The following FGFR2 variants were observed in gnomAD, a reference collection of about 807,000 sequenced individuals.
The protein encoded by FGFR2 is fibroblast growth factor receptor 2, also known as BEK fibroblast growth factor receptor.
A neutral mutation model predicts 95.9 loss-of-function variants in FGFR2; 19 were observed. The ratio of observed to expected loss-of-function variants is 0.20; its 90% CI spans 0.14 to 0.29. The LOEUF (loss-of-function observed/expected upper bound fraction) is 0.29, where lower values mean the gene tolerates loss of function less well. Ranked by LOEUF, FGFR2 falls within the 10% of genes least tolerant of loss-of-function variation. FGFR2 has a pLI of 1.00. For synonymous variants in FGFR2, 392 were observed against 393.3 expected (o/e 1.00, Z 0.04); for missense variants, 707 against 1,056.9 (o/e 0.67, Z 4.59).
chr10:121,591,904 C>T (rs561700197), intron 2 of FGFR2, among the ~76,000 whole-genome samples: 9 of 152,290 alleles, frequency 5.9e-5, no homozygotes, highest in East Asian at 3.9e-4. Flanking sequence ...CGGGGAACTT[C>T]GTCCCTTTCC....
intron 2 of FGFR2, chr10:121,583,437 G>C (rs894635534): frequency 6.6e-6 from 1 of 152,230 alleles, no homozygotes. Context: ...GGGCAACAGA[G>C]GCCAGCCCTT....
chr10:121,528,610 CA>C lies in FGFR2; in HGVS notation c.749-8442del, dbSNP rs141290084. On this transcript the variant is annotated intron_variant, in intron 6 of 17. Transcript: ENST00000358487. ...AGTAAAAGCTTTCAGCCCATCTGAG[CA>C]AACAAGAAATGCCTCCCTTTGATAG... Among the ~76,000 whole-genome samples, 376 of 152,308 alleles carry C rather than the reference CA, an allele frequency of 2.5e-3. 3 individuals are homozygous for C. The highest frequency in any genetic ancestry group is 8.9e-3 in the African/African-American group (371 of 41,568).
At chr10:121,591,670 C>A (rs1372818096) in intron 2 of FGFR2, among the ~76,000 whole-genome samples, 1 of 152,192 alleles carries the variant, frequency 6.6e-6, no homozygotes, top group East Asian at 1.9e-4. Flanking sequence ...GACATCTTTT[C>A]TTTTCCATCT....
At chr10:121,571,836 G>A (rs181797500) in intron 2 of FGFR2, among the ~76,000 whole-genome samples, 130 of 151,902 alleles carry the variant, frequency 8.6e-4, no homozygotes, top group African/African-American at 3.0e-3. Flanking sequence ...CCAGCTACTC[G>A]GGAGGCTGAG....
At chr10:121,509,196 T>C (rs982164889) in intron 9 of FGFR2, among the ~76,000 whole-genome samples, 1 of 152,228 alleles carries the variant, frequency 6.6e-6, no homozygotes, top group Non-Finnish European at 1.5e-5. Context: ...CTCTTGTTAG[T>C]GATAAGTGAG....
rs1589694133 is a variant in FGFR2, at chr10:121,480,263, T to C, written c.2302-242A>G. The C allele has an allele frequency of 6.8e-6, 4 of 592,578 alleles. No individual in the cohort carries two copies. In the East Asian group the frequency reaches 1.2e-4, roughly 18 times the overall value. The allele number at this position is 592,578 out of a possible 1,614,324, so 36.7% of individuals were successfully genotyped here. A position where few individuals can be genotyped will look rare whatever the true frequency, so the allele number is the denominator to read the frequency against. On this transcript the variant is annotated intron_variant, in intron 17 of 17. Coordinates refer to ENST00000358487, the MANE Select transcript of FGFR2 (RefSeq NM_000141.5). ...AAGACCTCCCTGAGACCACGTCTGA[T>C]GTACCCCAGGCTGTCCTTAGCTTTT...
In FGFR2 at chr10:121,517,265, T is replaced by C. The variant is rs1304977718; in HGVS notation, c.1084+54A>G. On this transcript the variant is annotated intron_variant, in intron 8 of 17. Coordinates refer to ENST00000358487, the MANE Select transcript of FGFR2 (RefSeq NM_000141.5). The surrounding 1 kb of genome is among the most constrained non-coding windows in gnomAD (Gnocchi z 4.7). ...GATAACAGAAGCTGTGTTAATTTTA[T>C]AGCAGTCAACCAAGAAAAGGGAAAA... 3.2e-6 allele frequency: 5 copies of C among 1,578,316 alleles called. No individual in the cohort carries two copies. Among genetic ancestry groups the C allele is most frequent in the African/African-American group, 1.3e-5 (1 of 74,142 alleles).
At chr10:121,537,259 G>A (rs958345721) in intron 6 of FGFR2, among the ~76,000 whole-genome samples, 1 of 152,050 alleles carries the variant, frequency 6.6e-6, no homozygotes, top group Non-Finnish European at 1.5e-5. Flanking sequence ...TCAAATCTTC[G>A]AATAAACACT....
intron 9 of FGFR2, among the ~76,000 whole-genome samples, chr10:121,512,572 G>GTTTTGTTTTGTT (rs1449362527): frequency 5.9e-5 from 9 of 151,408 alleles, no homozygotes; most frequent in Admixed American, 5.3e-4. Flanking sequence ...GTTTTGTTTT[G>GTTTTGTTTTGTT]TTTTTTGAGT....
At chr10:121,561,158 C>T (rs866641159) in intron 4 of FGFR2, among the ~76,000 whole-genome samples, 2 of 152,156 alleles carry the variant, frequency 1.3e-5, no homozygotes, top group African/African-American at 2.4e-5. Flanking sequence ...GGCGCAGTGG[C>T]TCACACCTGT....
At chr10:121,544,330 CAT>C (rs1854190547) in intron 5 of FGFR2, among the ~76,000 whole-genome samples, 1 of 151,692 alleles carries the variant, frequency 6.6e-6, no homozygotes, top group Non-Finnish European at 1.5e-5. Flanking sequence ...CCTGTAATCC[CAT>C]ACTCAGGAGG....
intron 2 of FGFR2, among the ~76,000 whole-genome samples, chr10:121,573,940 C>T (rs1280225579): frequency 6.6e-6 from 1 of 152,146 alleles, no homozygotes; most frequent in Non-Finnish European, 1.5e-5. Context: ...GAAACACAGT[C>T]CGGCTGCAAA....
At chr10:121,524,131 CACACACACACACACA>C (rs1850970034) in intron 6 of FGFR2, among the ~76,000 whole-genome samples, 1 of 149,170 alleles carries the variant, frequency 6.7e-6, no homozygotes, top group African/African-American at 2.4e-5. Context: ...CACACACACA[CACACACACACACACA>C]CCCCAAGTTT....
chr10:121,577,259 T>A (rs1182058775), intron 2 of FGFR2, among the ~76,000 whole-genome samples: 1 of 133,690 alleles, frequency 7.5e-6, no homozygotes, highest in Non-Finnish European at 1.5e-5. Context: ...ACAAATCGTA[T>A]GACCTTGAGG....
At chr10:121,520,711 C>T (rs113896313) in intron 6 of FGFR2, among the ~76,000 whole-genome samples, 26 of 152,142 alleles carry the variant, frequency 1.7e-4, no homozygotes, top group African/African-American at 5.3e-4. Context: ...GGCATGATCA[C>T]GGCTCACTGC....
intron 2 of FGFR2, among the ~76,000 whole-genome samples, chr10:121,575,630 G>C (rs1411752717): frequency 6.6e-6 from 1 of 152,090 alleles, no homozygotes. Context: ...CGAGGCGGGT[G>C]GATCACCTGA....
In FGFR2 at chr10:121,517,229, G is replaced by T. The variant is rs1350690801; in HGVS notation, c.1084+90C>A. 12 of 1,373,616 alleles carry T rather than the reference G, an allele frequency of 8.7e-6. No homozygotes were observed. In the African/African-American group the frequency reaches 1.6e-4, roughly 18 times the overall value. 85.1% of individuals were successfully genotyped at this position (1,373,616 alleles called of 1,614,324 possible). On this transcript the variant is annotated intron_variant, in intron 8 of 17. Coordinates refer to ENST00000358487, the MANE Select transcript of FGFR2 (RefSeq NM_000141.5). This position sits in a 1 kb window ranked among gnomAD's most constrained non-coding sequence, Gnocchi z 4.7. Reference sequence around the variant, plus strand: ...TTATATCTTTATGCAAGGATAAAAGGGGCCATTTCTGATAACAGAAGCTGT... The same window carrying T: ...TTATATCTTTATGCAAGGATAAAAGTGGCCATTTCTGATAACAGAAGCTGT...
chr10:121,488,401 C>G (rs541613592), intron 13 of FGFR2, among the ~76,000 whole-genome samples: 1 of 151,850 alleles, frequency 6.6e-6, no homozygotes, highest in African/African-American at 2.4e-5. Flanking sequence ...ATTAGCCGAG[C>G]GTGGTGGTGT....
intron 6 of FGFR2, chr10:121,527,589 A>G (rs1851545988): frequency 3.3e-5 from 1 of 30,400 alleles, no homozygotes; most frequent in Non-Finnish European, 2.4e-3. Flanking sequence ...ATATTTTACC[A>G]CAATTTTTTT....
Sources: gnomAD v4.1 joint callset for allele counts (sites outside exome capture counted in the v4.1 genomes callset) on GRCh38, gnomAD v4.1.1 for gene constraint, Gnocchi (gnomAD v3.1) non-coding constraint, MANE v1.5 for transcripts, NCBI Gene and HGNC (gene_info 2026-07-23, HGNC 2026-07-21) for gene names.